The following TMEM260 variants were observed in gnomAD, a reference collection of about 807,000 sequenced individuals.
TMEM260 encodes the protein transmembrane protein 260, also known as protein O-mannosyl-transferase TMEM260.
Under a neutral mutation model 88.9 loss-of-function variants are expected in TMEM260, and 82 were observed. The ratio of observed to expected loss-of-function variants is 0.92; its 90% CI spans 0.77 to 1.11. The LOEUF is 1.11. Ranked by LOEUF, TMEM260 falls within the 50% of genes least tolerant of loss-of-function variation. The probability of loss-of-function intolerance (pLI) is 0.00; values close to 1 mark genes in which losing one functional copy is unlikely to be tolerated. For synonymous variants in TMEM260, 314 were observed against 309.3 expected (o/e 1.02, Z -0.16); for missense variants, 902 against 853.4 (o/e 1.06, Z -0.71).
intron 3 of TMEM260, among the ~76,000 whole-genome samples, chr14:56,601,716 C>T (rs969144290): frequency 6.6e-6 from 1 of 152,056 alleles, no homozygotes. Context: ...TTATTTATAT[C>T]ACTGGATTCA....
At chr14:56,602,171 A>G (rs1309138434) in intron 3 of TMEM260, among the ~76,000 whole-genome samples, 2 of 152,190 alleles carry the variant, frequency 1.3e-5, no homozygotes, top group Admixed American at 6.6e-5. Context: ...TGGTAAAGTA[A>G]TTGTTACAGA....
At chr14:56,610,272 G>T (rs900553186) in intron 6 of TMEM260, among the ~76,000 whole-genome samples, 1 of 151,404 alleles carries the variant, frequency 6.6e-6, no homozygotes, top group East Asian at 1.9e-4. Context: ...ATGGATTCTC[G>T]CTCTGTCACC....
In TMEM260 at chr14:56,647,613, G is replaced by T; in HGVS notation, c.*116G>T. ...AAATTTAAAACTAAGTCATCTCCCA[G>T]ATATAAGTATCATGGTCCAGCAGTA... On this transcript the variant is annotated 3_prime_UTR_variant, in exon 16 of 16. Coordinates refer to ENST00000261556, the MANE Select transcript of TMEM260 (RefSeq NM_017799.4). 8.6e-7 allele frequency: 1 copy of T among 1,163,870 alleles called. No homozygotes were observed. The highest frequency in any genetic ancestry group is 1.2e-6 in the Non-Finnish European group (1 of 849,784). 72.1% of individuals were successfully genotyped at this position (1,163,870 alleles called of 1,614,324 possible).
chr14:56,608,969 T>G lies in TMEM260; in HGVS notation c.637-137T>G, dbSNP rs901562019. ...GTAATCAGAAGGTTTAACATAGTAT[T>G]CTGTGGTGACTTAATATAAATTGGG... On this transcript the variant is annotated intron_variant, in intron 5 of 15. Coordinates refer to ENST00000261556, the MANE Select transcript of TMEM260 (RefSeq NM_017799.4). The G allele has an allele frequency of 2.4e-5, 22 of 914,986 alleles. 1 individual carries two copies. In the South Asian group the frequency reaches 3.8e-4, roughly 16 times the overall value. The allele number at this position is 914,986 out of a possible 1,614,324, so 56.7% of individuals were successfully genotyped here.
intron 15 of TMEM260, among the ~76,000 whole-genome samples, chr14:56,637,151 TTA>T (rs1477258329): frequency 6.6e-6 from 1 of 152,198 alleles, no homozygotes; most frequent in Non-Finnish European, 1.5e-5. Context: ...TATGCTGGCT[TTA>T]TGACTTCTCA....
At chr14:56,637,011 A>T (rs1239103773) in intron 15 of TMEM260, among the ~76,000 whole-genome samples, 2 of 152,202 alleles carry the variant, frequency 1.3e-5, no homozygotes, top group East Asian at 3.9e-4. Flanking sequence ...ATGATGCAGA[A>T]GCAGAGGGCA....
intron 3 of TMEM260, among the ~76,000 whole-genome samples, chr14:56,596,406 G>GTGTGTGTGTGTGTA (rs1290307932): frequency 1.8e-5 from 2 of 111,320 alleles, no homozygotes; most frequent in East Asian, 2.3e-4. Flanking sequence ...GTGTGTGTGT[G>GTGTGTGTGTGTGTA]TATATATATA....
chr14:56,622,236 G>A lies in TMEM260; in HGVS notation c.1398+534G>A, dbSNP rs1594860998. Among the ~76,000 whole-genome samples, 9 of 151,630 alleles carry A rather than the reference G, an allele frequency of 5.9e-5. No individual in the cohort carries two copies. In the South Asian group the frequency reaches 1.7e-3, roughly 28 times the overall value. ...CACGCGCCTGTAGTCCCAGCTACTCGGGAGGCTGAGGCAGGAGAATGGTGT... is the reference window on the plus strand; with the variant it reads ...CACGCGCCTGTAGTCCCAGCTACTCAGGAGGCTGAGGCAGGAGAATGGTGT... On this transcript the variant is annotated intron_variant, in intron 11 of 15. Transcript: ENST00000261556.
the TMEM260 span, among the ~76,000 whole-genome samples, chr14:56,659,648 G>A: frequency 1.3e-5 from 2 of 152,180 alleles, no homozygotes; most frequent in Non-Finnish European, 2.9e-5. Flanking sequence ...GAAGACAGCA[G>A]GATCTAGTCG....
chr14:56,634,113 A>C (rs1888840712), intron 13 of TMEM260, among the ~76,000 whole-genome samples: 1 of 152,208 alleles, frequency 6.6e-6, no homozygotes, highest in Admixed American at 6.5e-5. Flanking sequence ...ATAGTAAGAA[A>C]ATTTTTAAGA....
intron 4 of TMEM260, 152 bp downstream of exon 4, chr14:56,604,144 T>A: frequency 1.3e-6 from 1 of 756,392 alleles, no homozygotes; most frequent in Non-Finnish European, 1.9e-6. Context: ...TCAGTCTTTT[T>A]TATTATGGAT....
At chr14:56,596,130 C>T (rs892532925) in intron 3 of TMEM260, among the ~76,000 whole-genome samples, 1 of 151,780 alleles carries the variant, frequency 6.6e-6, no homozygotes, top group Non-Finnish European at 1.5e-5. Context: ...ACCCCAAGAC[C>T]AAAACATCTT....
downstream of TMEM260, among the ~76,000 whole-genome samples, chr14:56,653,300 C>T (rs1487976919): frequency 2.6e-5 from 4 of 152,012 alleles, no homozygotes; most frequent in Admixed American, 6.5e-5. Context: ...AATGTGTATG[C>T]ACATATGCAT....
chr14:56,594,651 A>C (rs942055908), intron 3 of TMEM260, among the ~76,000 whole-genome samples: 2 of 152,146 alleles, frequency 1.3e-5, no homozygotes, highest in African/African-American at 4.8e-5. Flanking sequence ...GTTCATCTGC[A>C]CTTTAGACTT....
At chr14:56,605,538 T>C in intron 4 of TMEM260, 32 bp from the exon 5 acceptor site, 1 of 1,270,458 alleles carries the variant, frequency 7.9e-7, no homozygotes. Context: ...GGTGAATTTT[T>C]TACTTAATTT....
downstream of TMEM260, among the ~76,000 whole-genome samples, chr14:56,653,736 C>CAAAACAAAACAAAAAA (rs1816205334): frequency 6.0e-5 from 4 of 66,608 alleles, 1 homozygote; most frequent in East Asian, 1.8e-3. Context: ...CTCTTGTCTC[C>CAAAACAAAACAAAAAA]AAAACAAAAA....
chr14:56,647,593 T>G lies in TMEM260; in HGVS notation c.*96T>G. The G allele has an allele frequency of 7.4e-7, 1 of 1,345,906 alleles. No homozygotes were observed. The highest frequency in any genetic ancestry group is 9.9e-7 in the Non-Finnish European group (1 of 1,007,456). 83.4% of individuals were successfully genotyped at this position (1,345,906 alleles called of 1,614,324 possible). A position where few individuals can be genotyped will look rare whatever the true frequency, so the allele number is the denominator to read the frequency against. ...AAGAAAAGAAACTGCATAAAAAATT[T>G]AAAACTAAGTCATCTCCCAGATATA... On this transcript the variant is annotated 3_prime_UTR_variant, in exon 16 of 16. Transcript: ENST00000261556.
At chr14:56,643,501 GAC>G (rs1889750705) in intron 15 of TMEM260, among the ~76,000 whole-genome samples, 1 of 151,932 alleles carries the variant, frequency 6.6e-6, no homozygotes, top group African/African-American at 2.4e-5. Flanking sequence ...GTATTGATGG[GAC>G]GTATTTCAAA....
the TMEM260 span, among the ~76,000 whole-genome samples, chr14:56,662,203 C>T: frequency 7.2e-5 from 11 of 152,280 alleles, no homozygotes; most frequent in East Asian, 5.8e-4. Context: ...AACATCTTTC[C>T]GCCAGAAGCT....
Sources: gnomAD v4.1 joint callset for allele counts (sites outside exome capture counted in the v4.1 genomes callset) on GRCh38, gnomAD v4.1.1 for gene constraint, MANE v1.5 for transcripts, NCBI Gene and HGNC (gene_info 2026-07-23, HGNC 2026-07-21) for gene names.